Variants in JARID2 observed in about 807,000 individuals in gnomAD.
The protein encoded by JARID2 is protein Jumonji.
JARID2 carries 21 observed loss-of-function variants against 125.6 expected under a neutral mutation model. The observed-to-expected ratio is 0.17, with a 90% CI of 0.12 to 0.24. The LOEUF is 0.24. JARID2 is among the 10% of genes least tolerant of loss of function. JARID2 has a pLI of 1.00. For missense variants in JARID2, 1,303 were observed against 1,639.6 expected (o/e 0.79, Z 3.55); for synonymous variants, 736 against 661.6 (o/e 1.11, Z -1.73).
intron 1 of JARID2, among the ~76,000 whole-genome samples, chr6:15,350,731 T>TG (rs35755537): frequency 1.7e-5 from 1 of 60,602 alleles, no homozygotes; most frequent in African/African-American, 1.0e-4. Context: ...TAGTTTAAGG[T>TG]TTTTTTTTTT....
intron 1 of JARID2, among the ~76,000 whole-genome samples, chr6:15,296,317 A>T (rs1437044807): frequency 6.6e-6 from 1 of 152,186 alleles, no homozygotes; most frequent in East Asian, 1.9e-4. Context: ...GCTAGAGAAG[A>T]CTGCAGCAGC....
intron 6 of JARID2, among the ~76,000 whole-genome samples, chr6:15,493,066 A>G (rs1561901170): frequency 6.6e-6 from 1 of 152,040 alleles, no homozygotes; most frequent in Non-Finnish European, 1.5e-5. Flanking sequence ...GCTGTGTTGA[A>G]AATTTACTTC....
chr6:15,315,777 G>C (rs1762159066), intron 1 of JARID2, among the ~76,000 whole-genome samples: 1 of 152,180 alleles, frequency 6.6e-6, no homozygotes, highest in African/African-American at 2.4e-5. Context: ...AACTGGGAAA[G>C]TGCGTTAATG....
chr6:15,320,848 C>CTGTGTGTGTGTGTGTGTGTG (rs764906403), intron 1 of JARID2, among the ~76,000 whole-genome samples: 1 of 135,042 alleles, frequency 7.4e-6, no homozygotes, highest in African/African-American at 2.8e-5. Flanking sequence ...TTCTCTCTCT[C>CTGTGTGTGTGTGTGTGTGTG]TCTCTGTGTG....
intron 1 of JARID2, chr6:15,248,003 C>G (rs1759250809): frequency 2.0e-6 from 2 of 985,402 alleles, no homozygotes; most frequent in South Asian, 4.7e-5. Flanking sequence ...AGAACTTGGA[C>G]GAGAACCGCA....
In JARID2 at chr6:15,457,007, C is replaced by T. The variant is rs80219334; in HGVS notation, c.493+4832C>T. Among the ~76,000 whole-genome samples, 263 of 151,144 alleles carry T rather than the reference C, an allele frequency of 1.7e-3. 4 individuals are homozygous for T. The East Asian group carries it at 0.038, about 22-fold the overall frequency. On this transcript the variant is annotated intron_variant, in intron 4 of 17. Transcript: ENST00000341776. ...TAGCATCTCCACCATCTCCCAGAGA[C>T]GACCGCTGTTAATTACCTTGTTTGT...
rs530427489 is a variant in JARID2, at chr6:15,280,264, G to C, written c.45+33680G>C. On this transcript the variant is annotated intron_variant, in intron 1 of 17. Transcript: ENST00000341776. ...CAAAGTAAATGTTGGCTCTCTTTCA[G>C]ATGTAGTAATGTTGCTTCTCTAAAT... Among the ~76,000 whole-genome samples the C allele has an allele frequency of 3.9e-4, 59 of 152,210 alleles. No homozygotes were observed. In the South Asian group the frequency reaches 0.012, roughly 30 times the overall value.
At chr6:15,337,339 TC>T (rs1478836940) in intron 1 of JARID2, among the ~76,000 whole-genome samples, 1 of 152,200 alleles carries the variant, frequency 6.6e-6, no homozygotes, top group Non-Finnish European at 1.5e-5. Context: ...GACCAGATGT[TC>T]CTAGAGGTGC....
chr6:15,360,761 TC>T (rs1188933972), intron 1 of JARID2, among the ~76,000 whole-genome samples: 1 of 152,128 alleles, frequency 6.6e-6, no homozygotes, highest in African/African-American at 2.4e-5. Context: ...TACCTTAGCC[TC>T]CCAGTGTGTG....
intron 1 of JARID2, among the ~76,000 whole-genome samples, chr6:15,345,960 G>A (rs1763230744): frequency 6.6e-6 from 1 of 152,126 alleles, no homozygotes; most frequent in Admixed American, 6.5e-5. Flanking sequence ...TCATGGAGTG[G>A]TGATATATGA....
chr6:15,469,803 TA>T (rs1768982958), intron 5 of JARID2, among the ~76,000 whole-genome samples: 1 of 152,012 alleles, frequency 6.6e-6, no homozygotes, highest in African/African-American at 2.4e-5. Context: ...AGAATAGGTA[TA>T]AAAAGGAGTG....
chr6:15,512,829 GC>G lies in JARID2; in HGVS notation c.3136-84del, dbSNP rs1348467312. On this transcript the variant is annotated intron_variant, in intron 14 of 17. Coordinates refer to ENST00000341776, the MANE Select transcript of JARID2 (RefSeq NM_004973.4). ...AATTCAAGATTTAGAAATTCAGACA[GC>G]CTGCCTGCCCCCTCCACCAAGAAGA... 1.5e-5 allele frequency: 19 copies of G among 1,296,698 alleles called. No homozygotes were observed. In the East Asian group the frequency reaches 4.4e-4, roughly 30 times the overall value. 80.3% of individuals were successfully genotyped at this position (1,296,698 alleles called of 1,614,324 possible). A position where few individuals can be genotyped will look rare whatever the true frequency, so the allele number is the denominator to read the frequency against.
chr6:15,343,883 A>G (rs1763155024), intron 1 of JARID2, among the ~76,000 whole-genome samples: 1 of 152,128 alleles, frequency 6.6e-6, no homozygotes, highest in Admixed American at 6.6e-5. Flanking sequence ...ATTACAAGAC[A>G]TTGGTTTTGT....
At chr6:15,280,501 G>A (rs1760709080) in intron 1 of JARID2, among the ~76,000 whole-genome samples, 1 of 152,176 alleles carries the variant, frequency 6.6e-6, no homozygotes, top group Non-Finnish European at 1.5e-5. Flanking sequence ...TTCTTTATGT[G>A]GAGTTATTGT....
intron 3 of JARID2, among the ~76,000 whole-genome samples, chr6:15,428,594 A>G (rs867926676): frequency 6.6e-6 from 1 of 152,194 alleles, no homozygotes; most frequent in African/African-American, 2.4e-5. Context: ...TACAAAGGAC[A>G]TGAACTCATG....
In JARID2 at chr6:15,496,677, C is replaced by G. The variant is rs147755173; in HGVS notation, c.1452C>G (p.His484Gln). The change falls in exon 7 of 18, where the codon CAC becomes CAG. Residue 484 changes from histidine to glutamine, a missense_variant. His to Gln is a conservative substitution (Grantham distance 24). Coordinates refer to ENST00000341776, the MANE Select transcript of JARID2 (RefSeq NM_004973.4). Reference sequence around the variant, plus strand: ...CCGAGAGAGGTCTGCTGAACGGACACGTGAAGAAGGAAGTGCCGGAGCGCA... The same window carrying G: ...CCGAGAGAGGTCTGCTGAACGGACAGGTGAAGAAGGAAGTGCCGGAGCGCA... ...APAERGLLNG[H>Q]VKKEVPERSL... The G allele has an allele frequency of 6.2e-7, 1 of 1,612,994 alleles. No individual in the cohort carries two copies. The highest frequency in any genetic ancestry group is 8.5e-7 in the Non-Finnish European group (1 of 1,179,900).
chr6:15,501,422 G>C lies in JARID2; in HGVS notation c.2448+13G>C. 1.3e-6 allele frequency: 2 copies of C among 1,519,688 alleles called. No individual in the cohort carries two copies. The highest frequency in any genetic ancestry group is 1.8e-6 in the Non-Finnish European group (2 of 1,136,970). 94.1% of individuals were successfully genotyped at this position (1,519,688 alleles called of 1,614,324 possible). ...GTGCATCTATAAGGTAGGGGCCTCC[G>C]CAGAGCAGCCACTCCCAGCTGCAGG... On this transcript the variant is annotated intron_variant, in intron 8 of 17. Transcript: ENST00000341776.
At position 15,426,931 on chromosome 6, in the gene JARID2, G is replaced by A. The variant is rs6922136; in HGVS notation, c.323+16566G>A. Among the ~76,000 whole-genome samples the A allele has an allele frequency of 5.9e-5, 9 of 152,220 alleles. No homozygotes were observed. The South Asian group carries it at 1.9e-3, about 32-fold the overall frequency. ...AATTACATAACTGGCCTGAGTAATG[G>A]GGGGTACATCAGCACCTTGATATAT... On this transcript the variant is annotated intron_variant, in intron 3 of 17. Coordinates refer to ENST00000341776, the MANE Select transcript of JARID2 (RefSeq NM_004973.4).
intron 1 of JARID2, among the ~76,000 whole-genome samples, chr6:15,280,202 A>G (rs1294969761): frequency 2.0e-5 from 3 of 152,206 alleles, no homozygotes; most frequent in Non-Finnish European, 4.4e-5. Context: ...TTCAGTAGTA[A>G]TAAAAAAAAA....
Sources: allele counts gnomAD v4.1 joint callset (sites outside exome capture counted in the v4.1 genomes callset), GRCh38; gene constraint gnomAD v4.1.1; transcripts MANE v1.5; gene names NCBI Gene and HGNC (gene_info 2026-07-23, HGNC 2026-07-21).